FOXO1: variants seen among roughly 807,000 people sequenced by gnomAD.
FOXO1 encodes the protein forkhead box O1.
A neutral mutation model predicts 44.1 loss-of-function variants in FOXO1; 6 were observed. That is an observed-to-expected ratio of 0.14 (90% confidence interval 0.07 to 0.27). The LOEUF (loss-of-function observed/expected upper bound fraction) is 0.27. Ranked by LOEUF, FOXO1 falls within the 10% of genes least tolerant of loss-of-function variation. The pLI is 1.00. For missense variants in FOXO1, 737 were observed against 888.8 expected (o/e 0.83, Z 2.17); for synonymous variants, 380 against 362.7 (o/e 1.05, Z -0.54).
intron 1 of FOXO1, among the ~76,000 whole-genome samples, chr13:40,622,995 G>A (rs1170782167): frequency 6.6e-6 from 1 of 152,052 alleles, no homozygotes; most frequent in East Asian, 1.9e-4. Flanking sequence ...AGTCTGCTAT[G>A]GCAACACACT....
chr13:40,596,735 G>A (rs1478208598), intron 1 of FOXO1, among the ~76,000 whole-genome samples: 1 of 152,132 alleles, frequency 6.6e-6, no homozygotes, highest in Non-Finnish European at 1.5e-5. Context: ...AATGAAAACG[G>A]AAGTTCCATG....
At chr13:40,566,812 C>T (rs1409721710) in intron 1 of FOXO1, among the ~76,000 whole-genome samples, 1 of 151,890 alleles carries the variant, frequency 6.6e-6, no homozygotes. Context: ...TAATAAAAAC[C>T]ATTTACAGAC....
At chr13:40,665,504 G>A (rs1878200407) in intron 1 of FOXO1, 79 bp downstream of exon 1, 1 of 1,213,128 alleles carries the variant, frequency 8.2e-7, no homozygotes, top group Admixed American at 3.8e-5. Context: ...GCACCTTCAG[G>A]CCGAGCAAAC....
chr13:40,575,174 TAA>T (rs768972372), intron 1 of FOXO1, among the ~76,000 whole-genome samples: 1 of 144,444 alleles, frequency 6.9e-6, no homozygotes, highest in Non-Finnish European at 1.5e-5. Flanking sequence ...GTCTCTACAT[TAA>T]AAAAAAAAAA....
At chr13:40,587,787 T>C (rs1875225726) in intron 1 of FOXO1, among the ~76,000 whole-genome samples, 1 of 152,206 alleles carries the variant, frequency 6.6e-6, no homozygotes, top group African/African-American at 2.4e-5. Flanking sequence ...AATGAGACAT[T>C]AATTATGAAG....
intron 1 of FOXO1, among the ~76,000 whole-genome samples, chr13:40,592,712 A>G (rs565281728): frequency 4.1e-4 from 62 of 152,304 alleles, no homozygotes; most frequent in African/African-American, 1.5e-3. Flanking sequence ...AATAACTAAA[A>G]CAGAATTTAA....
At chr13:40,611,166 C>A (rs1276618262) in intron 1 of FOXO1, 2 of 405,350 alleles carry the variant, frequency 4.9e-6, no homozygotes, top group Non-Finnish European at 9.9e-6. Flanking sequence ...ATTCTCAGAA[C>A]AATGAGTTTT....
Position 40,560,567 on chromosome 13 carries a change from A to T in FOXO1, c.924T>A (p.Asp308Glu). The T allele has an allele frequency of 6.2e-7, 1 of 1,614,220 alleles. No homozygotes were observed. Among genetic ancestry groups the T allele is most frequent in the Non-Finnish European group, 8.5e-7 (1 of 1,180,040 alleles). The change falls in exon 2 of 3, where the codon GAT (aspartate) becomes GAA (glutamate). Residue 308 changes from aspartate (D) to glutamate (E), a missense_variant. Asp to Glu is a conservative substitution (Grantham distance 45, BLOSUM62 2). Coordinates refer to ENST00000379561, the MANE Select transcript of FOXO1 (RefSeq NM_002015.4). This position sits in a 1 kb window ranked among gnomAD's most constrained non-coding sequence, Gnocchi z 5.1. Reference protein sequence around the residue: ...SPGSHSNDDFDNWSTFRPRTS... With the variant: ...SPGSHSNDDFENWSTFRPRTS... ...TTCGAGGGCGAAATGTACTCCAGTT[A>T]TCAAAGTCATCATTGCTGTGAGAGC...
At chr13:40,574,573 A>G (rs1315506002) in intron 1 of FOXO1, among the ~76,000 whole-genome samples, 3 of 152,264 alleles carry the variant, frequency 2.0e-5, no homozygotes, top group African/African-American at 7.2e-5. Context: ...TGTCACAGAT[A>G]CTTATATAAC....
At chr13:40,588,783 A>C (rs2137861897) in intron 1 of FOXO1, among the ~76,000 whole-genome samples, 1 of 150,796 alleles carries the variant, frequency 6.6e-6, no homozygotes, top group African/African-American at 2.4e-5. Context: ...ACAACATAAA[A>C]AGAGTCAAGG....
rs960594747 is a variant in FOXO1, at chr13:40,558,877, G to C, written c.*172C>G. Reference sequence around the variant, plus strand: ...GGCAAACATCCTGTACAGGAAAAATGTCTTTGCTGCCAAGTCTGACGAAAG... The same window carrying C: ...GGCAAACATCCTGTACAGGAAAAATCTCTTTGCTGCCAAGTCTGACGAAAG... On this transcript the variant is annotated 3_prime_UTR_variant, in exon 3 of 3. Transcript: ENST00000379561. 2.0e-5 allele frequency: 8 copies of C among 396,896 alleles called. No individual in the cohort carries two copies. The highest frequency in any genetic ancestry group is 4.2e-5 in the African/African-American group (2 of 47,900). The allele number at this position is 396,896 out of a possible 1,614,324, so 24.6% of individuals were successfully genotyped here. A position where few individuals can be genotyped will look rare whatever the true frequency, so the allele number is the denominator to read the frequency against.
chr13:40,564,565 T>A (rs1391942964), intron 1 of FOXO1, among the ~76,000 whole-genome samples: 1 of 152,216 alleles, frequency 6.6e-6, no homozygotes, highest in Admixed American at 6.5e-5. Flanking sequence ...CGACGTTGTG[T>A]CTGCACTCCC....
chr13:40,560,945 G>T lies in FOXO1; in HGVS notation c.631-85C>A. 1 of 1,369,444 alleles carries T rather than the reference G, an allele frequency of 7.3e-7. No homozygotes were observed. Among genetic ancestry groups the T allele is most frequent in the Non-Finnish European group, 9.9e-7 (1 of 1,014,520 alleles). 84.8% of individuals were successfully genotyped at this position (1,369,444 alleles called of 1,614,324 possible). ...TCTACATGTATTACATGGAAAACAA[G>T]TAAAAAATCTTAAGAGTGTGTGCTA... On this transcript the variant is annotated intron_variant, in intron 1 of 2. Coordinates refer to ENST00000379561, the MANE Select transcript of FOXO1 (RefSeq NM_002015.4). This position sits in a 1 kb window ranked among gnomAD's most constrained non-coding sequence, Gnocchi z 5.1.
chr13:40,603,550 A>G (rs553146799), intron 1 of FOXO1, among the ~76,000 whole-genome samples: 2 of 152,162 alleles, frequency 1.3e-5, no homozygotes, highest in Non-Finnish European at 2.9e-5. Context: ...AAACCTTTGA[A>G]CCAAGATACT....
intron 1 of FOXO1, chr13:40,620,415 A>C (rs551496855): frequency 1.5e-6 from 1 of 660,542 alleles, no homozygotes; most frequent in East Asian, 3.2e-5. Flanking sequence ...AATTCTTCCT[A>C]GGATTTCTGA....
intron 1 of FOXO1, chr13:40,621,192 G>GT: frequency 1.7e-6 from 1 of 605,164 alleles, no homozygotes. Context: ...AATCTGTAGT[G>GT]TTTGTATCAG....
intron 1 of FOXO1, among the ~76,000 whole-genome samples, chr13:40,573,967 T>C (rs551642675): frequency 6.6e-6 from 1 of 152,366 alleles, no homozygotes; most frequent in East Asian, 1.9e-4. Context: ...TAATTTGCGA[T>C]GGTACACCTT....
chr13:40,619,923 T>A, intron 1 of FOXO1: 1 of 682,790 alleles, frequency 1.5e-6, no homozygotes, highest in Non-Finnish European at 2.7e-6. Flanking sequence ...CAGTGAGAAA[T>A]ACAAACCAAA....
intron 1 of FOXO1, among the ~76,000 whole-genome samples, chr13:40,608,167 G>A (rs886804129): frequency 7.2e-5 from 11 of 152,206 alleles, no homozygotes. Flanking sequence ...AGCATTTGTG[G>A]TAGGACAGAA....
Sources: allele counts gnomAD v4.1 joint callset (sites outside exome capture counted in the v4.1 genomes callset), GRCh38; gene constraint gnomAD v4.1.1; non-coding constraint Gnocchi (gnomAD v3.1); transcripts MANE v1.5; gene names NCBI Gene and HGNC (gene_info 2026-07-23, HGNC 2026-07-21).